The following THRB variants were observed in gnomAD, a reference collection of about 807,000 sequenced individuals.
THRB encodes the protein nuclear receptor subfamily 1 group A member 2.
In THRB, 12 loss-of-function variants were observed where a neutral mutation model predicts 47.8. The ratio of observed to expected loss-of-function variants is 0.25; its 90% CI spans 0.16 to 0.41. THRB has a LOEUF of 0.41. Ranked by LOEUF, THRB falls within the 10% of genes least tolerant of loss-of-function variation. The probability of loss-of-function intolerance (pLI) is 1.00; values close to 1 mark genes in which losing one functional copy is unlikely to be tolerated. For synonymous variants in THRB, 218 were observed against 212.2 expected, an observed-to-expected ratio of 1.03 and a Z score of -0.24; for missense variants, 348 against 589.2, an observed-to-expected ratio of 0.59 and a Z score of 4.24.
chr3:24,371,370 T>G (rs1181499394), intron 1 of THRB, among the ~76,000 whole-genome samples: 9 of 152,126 alleles, frequency 5.9e-5, no homozygotes, highest in Non-Finnish European at 1.3e-4. Flanking sequence ...TAACATTATG[T>G]TTCAGACATG....
At chr3:24,274,488 C>T (rs1270434888) in intron 3 of THRB, among the ~76,000 whole-genome samples, 1 of 152,118 alleles carries the variant, frequency 6.6e-6, no homozygotes, top group Non-Finnish European at 1.5e-5. Flanking sequence ...CTCAAGAAGC[C>T]AGGAATGAGT....
chr3:24,388,576 A>G (rs2066315182), intron 1 of THRB, among the ~76,000 whole-genome samples: 1 of 152,200 alleles, frequency 6.6e-6, no homozygotes, highest in Non-Finnish European at 1.5e-5. Flanking sequence ...ATTTTCAAAA[A>G]GCCAAAGCTC....
chr3:24,349,155 A>G (rs1464191882), intron 1 of THRB, among the ~76,000 whole-genome samples: 1 of 152,142 alleles, frequency 6.6e-6, no homozygotes, highest in Non-Finnish European at 1.5e-5. Flanking sequence ...CATTTTTAAA[A>G]GATATCCAAG....
intron 2 of THRB, among the ~76,000 whole-genome samples, chr3:24,320,703 AC>A (rs2058428690): frequency 6.6e-6 from 1 of 152,126 alleles, no homozygotes; most frequent in East Asian, 1.9e-4. Context: ...AAATTAGTCA[AC>A]ATTTGACAAA....
intron 1 of THRB, among the ~76,000 whole-genome samples, chr3:24,441,485 G>A (rs2071518511): frequency 6.6e-6 from 1 of 152,160 alleles, no homozygotes; most frequent in South Asian, 2.1e-4. Context: ...AAGCAATGGA[G>A]GCACATTAAC....
intron 1 of THRB, among the ~76,000 whole-genome samples, chr3:24,484,861 AGTATCATTTT>A (rs1697057403): frequency 6.6e-6 from 1 of 152,232 alleles, no homozygotes; most frequent in Non-Finnish European, 1.5e-5. Context: ...TATACCTACA[AGTATCATTTT>A]ATGACTAAAA....
chr3:24,269,399 GCGCGCACACA>G (rs763944881), intron 3 of THRB, among the ~76,000 whole-genome samples: 11,468 of 89,790 alleles, frequency 0.13, 548 homozygotes, highest in Middle Eastern at 0.15. Context: ...GCGCGCGCGC[GCGCGCACACA>G]CACACACACA....
chr3:24,311,175 CT>C (rs1353475843), intron 2 of THRB, among the ~76,000 whole-genome samples: 2 of 152,282 alleles, frequency 1.3e-5, no homozygotes, highest in East Asian at 3.9e-4. Flanking sequence ...TGAGGAAACA[CT>C]TTTATTCCTC....
At chr3:24,209,102 C>G (rs2045730911) in intron 4 of THRB, among the ~76,000 whole-genome samples, 1 of 152,186 alleles carries the variant, frequency 6.6e-6, no homozygotes, top group African/African-American at 2.4e-5. Flanking sequence ...AATCACTGGC[C>G]ATCAGAGAAA....
At chr3:24,320,394 T>G (rs1282732818) in intron 2 of THRB, among the ~76,000 whole-genome samples, 2 of 152,188 alleles carry the variant, frequency 1.3e-5, no homozygotes, top group African/African-American at 4.8e-5. Context: ...CTTTCAGTGT[T>G]TCTCAACAAG....
chr3:24,169,509 C>A (rs1005502202), intron 5 of THRB, among the ~76,000 whole-genome samples: 1 of 151,768 alleles, frequency 6.6e-6, no homozygotes, highest in African/African-American at 2.4e-5. Flanking sequence ...CTTTTTTTCT[C>A]GAGACAGAAA....
At chr3:24,321,493 AG>A (rs1365919420) in intron 2 of THRB, among the ~76,000 whole-genome samples, 1 of 152,240 alleles carries the variant, frequency 6.6e-6, no homozygotes. Context: ...TAAATCCAAA[AG>A]GTCAACTATA....
chr3:24,470,206 G>A (rs887700859), intron 1 of THRB, among the ~76,000 whole-genome samples: 1 of 152,176 alleles, frequency 6.6e-6, no homozygotes, highest in Non-Finnish European at 1.5e-5. Flanking sequence ...GGCACATTAC[G>A]AATACTCTCT....
At chr3:24,433,089 A>C (rs2070609603) in intron 1 of THRB, among the ~76,000 whole-genome samples, 1 of 152,040 alleles carries the variant, frequency 6.6e-6, no homozygotes, top group South Asian at 2.1e-4. Flanking sequence ...TCTGCTTCTC[A>C]ATAACTACCT....
chr3:24,329,454 T>C (rs2061781800), intron 2 of THRB, among the ~76,000 whole-genome samples: 1 of 152,250 alleles, frequency 6.6e-6, no homozygotes, highest in South Asian at 2.1e-4. Context: ...GGTTTCATTG[T>C]TCTATTGATC....
At chr3:24,428,266 GCT>G in intron 1 of THRB, among the ~76,000 whole-genome samples, 1 of 152,016 alleles carries the variant, frequency 6.6e-6, no homozygotes, top group African/African-American at 2.4e-5. Context: ...CTGGCATTAA[GCT>G]AAGCACTGAA....
intron 4 of THRB, among the ~76,000 whole-genome samples, chr3:24,210,988 C>G (rs2045964748): frequency 6.6e-6 from 1 of 151,976 alleles, no homozygotes; most frequent in Non-Finnish European, 1.5e-5. Context: ...TACCTGAGGT[C>G]AGGAGTTCGA....
At chr3:24,161,617 A>AACACACACACACACAC (rs58600238) in intron 5 of THRB, among the ~76,000 whole-genome samples, 2,840 of 141,126 alleles carry the variant, frequency 0.02, 55 homozygotes, top group East Asian at 0.045. Flanking sequence ...AGAGCTACAG[A>AACACACACACACACAC]ACACACACAC....
chr3:24,297,105 T>A (rs1313868295), intron 3 of THRB, 121 bp downstream of exon 3: 1 of 152,238 alleles, frequency 6.6e-6, no homozygotes, highest in African/African-American at 2.4e-5. Flanking sequence ...ATCCATGGGT[T>A]AGAAAGGAGA....
Sources: gnomAD v4.1 joint callset for allele counts (sites outside exome capture counted in the v4.1 genomes callset) on GRCh38, gnomAD v4.1.1 for gene constraint, MANE v1.5 for transcripts, NCBI Gene and HGNC (gene_info 2026-07-23, HGNC 2026-07-21) for gene names.